Variants in LUZP1 observed in about 807,000 individuals in gnomAD.
LUZP1 encodes the protein leucine zipper protein 1, also known as filamin mechanobinding actin cross-linking protein.
A neutral mutation model predicts 71.3 loss-of-function variants in LUZP1; 25 were observed. That is an observed-to-expected ratio of 0.35 (90% CI 0.26 to 0.49). The LOEUF is 0.49. LUZP1 is among the 20% of genes least tolerant of loss of function. The pLI, the probability that LUZP1 is intolerant of heterozygous loss-of-function variation, is 0.99. For missense variants in LUZP1, 1,142 were observed against 1,300.8 expected (o/e 0.88, Z 1.88); for synonymous variants, 481 against 506.4 (o/e 0.95, Z 0.67).
In LUZP1 at chr1:23,093,693, G is replaced by A; in HGVS notation, c.569C>T (p.Thr190Ile). 4 of 1,613,650 alleles carry A rather than the reference G, an allele frequency of 2.5e-6. No homozygotes were observed. Among genetic ancestry groups the A allele is most frequent in the Non-Finnish European group, 3.4e-6 (4 of 1,180,000 alleles). The change falls in exon 4 of 5, where the codon ACT becomes ATT. Residue 190 changes from threonine to isoleucine, a missense_variant. By Grantham distance (89) the Thr-to-Ile change is moderately conservative. Coordinates refer to ENST00000302291, the Ensembl canonical transcript of LUZP1. This position sits in a 1 kb window ranked among gnomAD's most constrained non-coding sequence, Gnocchi z 4.2. The stretch of plus-strand genomic sequence containing the variant: ...TTTTCTCTCACTTACAAAGCTCAGA[G>A]TTAATGATTTCAGCTTTTCTAACTC...
At chr1:23,113,697 T>C (rs1359180563) in intron 2 of LUZP1, among the ~76,000 whole-genome samples, 1 of 151,460 alleles carries the variant, frequency 6.6e-6, no homozygotes, top group Non-Finnish European at 1.5e-5. Context: ...CTGACCAACA[T>C]GGTGAAACCC....
At chr1:23,089,679 G>A (rs1043855637) in intron 4 of LUZP1, among the ~76,000 whole-genome samples, 7 of 151,874 alleles carry the variant, frequency 4.6e-5, no homozygotes, top group African/African-American at 1.2e-4. Context: ...TGCAACCTCC[G>A]TCTCCTGGGT....
At chr1:23,092,430 C>G in exon 4 of LUZP1, 1 of 1,614,194 alleles carries the variant, frequency 6.2e-7, no homozygotes, top group South Asian at 1.1e-5. Flanking sequence ...GTTCTCTTGG[C>G]TTCTACAGCT....
chr1:23,137,141 G>A (rs542236185), intron 2 of LUZP1, among the ~76,000 whole-genome samples: 2 of 152,228 alleles, frequency 1.3e-5, no homozygotes, highest in South Asian at 4.1e-4. Context: ...CACATAGAAA[G>A]TATTTCCAAA....
intron 2 of LUZP1, among the ~76,000 whole-genome samples, chr1:23,166,842 A>G (rs1476694798): frequency 6.6e-6 from 1 of 152,154 alleles, no homozygotes; most frequent in Non-Finnish European, 1.5e-5. Flanking sequence ...AACGAAGGCT[A>G]ATTAACAATC....
At chr1:23,132,700 T>C (rs527943932) in intron 2 of LUZP1, among the ~76,000 whole-genome samples, 1 of 152,128 alleles carries the variant, frequency 6.6e-6, no homozygotes, top group Non-Finnish European at 1.5e-5. Context: ...TGTTGTGATA[T>C]ATATAGAGAC....
In LUZP1 at chr1:23,093,342, G is replaced by A. The variant is rs764936814; in HGVS notation, c.920C>T (p.Ser307Leu). The A allele has an allele frequency of 6.8e-6, 11 of 1,612,562 alleles. No individual in the cohort carries two copies. The South Asian group carries it at 1.1e-4, about 16-fold the overall frequency. ...CATTTTCTTAAGCTCTTCTTCCAAC[G>A]ATTCAAAGTGTTTGATTTGTGTCTT... The change falls in exon 4 of 5, where the codon TCG (serine) becomes TTG (leucine). Residue 307 changes from serine (S) to leucine (L), a missense_variant. Transcript: ENST00000302291. The surrounding 1 kb of genome is among the most constrained non-coding windows in gnomAD (Gnocchi z 4.2).
chr1:23,094,007 T>C lies in LUZP1; in HGVS notation c.255A>G (p.Ala85=). The change falls in exon 4 of 5, where the codon GCA becomes GCG. Residue 85 remains alanine (A), a synonymous_variant. Coordinates refer to ENST00000302291, the Ensembl canonical transcript of LUZP1. This position sits in a 1 kb window ranked among gnomAD's most constrained non-coding sequence, Gnocchi z 4.7. ...CCTTCATCAGACGACACAGATCCTC[T>C]GCTCTCTTAATTTCCTCGTCTTTGC... 9 of 1,614,240 alleles carry C rather than the reference T, an allele frequency of 5.6e-6. No individual in the cohort carries two copies. The highest frequency in any genetic ancestry group is 7.6e-6 in the Non-Finnish European group (9 of 1,180,038).
chr1:23,122,689 C>T (rs1021748310), intron 2 of LUZP1, among the ~76,000 whole-genome samples: 1 of 152,194 alleles, frequency 6.6e-6, no homozygotes, highest in African/African-American at 2.4e-5. Flanking sequence ...CTAAAAATAA[C>T]TTATTAAAAC....
At chr1:23,098,253 T>G (rs774120658) in intron 3 of LUZP1, among the ~76,000 whole-genome samples, 10 of 152,076 alleles carry the variant, frequency 6.6e-5, no homozygotes, top group Non-Finnish European at 1.2e-4. Flanking sequence ...AGGTGAAGAA[T>G]AGTGAAAATA....
intron 2 of LUZP1, among the ~76,000 whole-genome samples, chr1:23,151,251 C>G (rs1644380866): frequency 6.6e-6 from 1 of 152,062 alleles, no homozygotes; most frequent in Middle Eastern, 3.2e-3. Context: ...ACCATGTTGG[C>G]CAGGCTGGTC....
At chr1:23,101,015 A>T (rs968920640) in intron 3 of LUZP1, among the ~76,000 whole-genome samples, 6 of 152,174 alleles carry the variant, frequency 3.9e-5, no homozygotes, top group Admixed American at 1.3e-4. Flanking sequence ...ATAAACTCTT[A>T]AGCATTTTTA....
chr1:23,121,125 T>TA (rs1195734594), intron 2 of LUZP1, among the ~76,000 whole-genome samples: 1 of 152,116 alleles, frequency 6.6e-6, no homozygotes, highest in Non-Finnish European at 1.5e-5. Flanking sequence ...TAAACAAAGC[T>TA]AAAAAAATAA....
chr1:23,109,615 T>C (rs760864010), intron 2 of LUZP1: 4 of 152,160 alleles, frequency 2.6e-5, no homozygotes, highest in Non-Finnish European at 5.9e-5. Flanking sequence ...GCAGTCAAAA[T>C]ACAGGCACAC....
At chr1:23,176,869 T>C (rs1376056352) in intron 1 of LUZP1, among the ~76,000 whole-genome samples, 1 of 148,276 alleles carries the variant, frequency 6.7e-6, no homozygotes, top group Non-Finnish European at 1.5e-5. Flanking sequence ...AGAGCTATAA[T>C]TTTGGGGGGT....
chr1:23,156,815 A>G (rs1218976875), intron 2 of LUZP1, among the ~76,000 whole-genome samples: 4 of 152,194 alleles, frequency 2.6e-5, no homozygotes, highest in Non-Finnish European at 4.4e-5. Context: ...TCACACACAC[A>G]CAAAATGCTA....
chr1:23,108,566 C>G (rs1644002864), intron 3 of LUZP1, among the ~76,000 whole-genome samples: 1 of 152,162 alleles, frequency 6.6e-6, no homozygotes, highest in South Asian at 2.1e-4. Flanking sequence ...CGCCACCGCC[C>G]TCCAGCCTGG....
At chr1:23,084,866 G>A (rs553735033) in exon 5 of LUZP1, 2 of 152,580 alleles carry the variant, frequency 1.3e-5, no homozygotes, top group Non-Finnish European at 2.9e-5. Context: ...ATTACACAAT[G>A]AAATAAATAA....
chr1:23,147,112 A>C (rs1403932096), intron 2 of LUZP1, among the ~76,000 whole-genome samples: 1 of 146,738 alleles, frequency 6.8e-6, no homozygotes, highest in Non-Finnish European at 1.5e-5. Flanking sequence ...TAATAATAAT[A>C]ATAATAATAA....
Sources: gnomAD v4.1 joint callset for allele counts (sites outside exome capture counted in the v4.1 genomes callset) on GRCh38, gnomAD v4.1.1 for gene constraint, Gnocchi (gnomAD v3.1) non-coding constraint, MANE v1.5 for transcripts, NCBI Gene and HGNC (gene_info 2026-07-23, HGNC 2026-07-21) for gene names.